The following ADAM12 variants were observed in gnomAD, a reference collection of about 807,000 sequenced individuals.
ADAM12 encodes the protein disintegrin and metalloproteinase domain-containing protein 12.
A neutral mutation model predicts 106.4 loss-of-function variants in ADAM12; 70 were observed. The ratio of observed to expected loss-of-function variants is 0.66; its 90% CI spans 0.54 to 0.80. ADAM12 has a LOEUF of 0.80. Ranked by LOEUF, ADAM12 falls within the 30% of genes least tolerant of loss-of-function variation. The pLI is 0.00. For missense variants in ADAM12, 1,010 were observed against 1,171.9 expected (o/e 0.86, Z 2.02); for synonymous variants, 420 against 433.5 (o/e 0.97, Z 0.39).
intron 1 of ADAM12, among the ~76,000 whole-genome samples, chr10:126,379,534 C>A (rs118176838): frequency 2.6e-5 from 4 of 151,674 alleles, no homozygotes; most frequent in Non-Finnish European, 5.9e-5. Context: ...CACACTGGGG[C>A]GCCTGTCAGG....
chr10:126,381,971 T>C (rs993400988), intron 1 of ADAM12, among the ~76,000 whole-genome samples: 2 of 84,742 alleles, frequency 2.4e-5, no homozygotes, highest in African/African-American at 8.0e-5. Context: ...CAAGACCCTG[T>C]CTCAAAAAAA....
intron 5 of ADAM12, among the ~76,000 whole-genome samples, chr10:126,126,561 CAAGT>C (rs1956209743): frequency 1.1e-5 from 1 of 87,346 alleles, no homozygotes; most frequent in Admixed American, 1.2e-4. Flanking sequence ...GAGGCTTTGA[CAAGT>C]AAGCCATGGA....
chr10:126,022,221 T>TAATC (rs1271759278), intron 21 of ADAM12, among the ~76,000 whole-genome samples: 1 of 152,200 alleles, frequency 6.6e-6, no homozygotes, highest in African/African-American at 2.4e-5. Context: ...GTTTAATTAT[T>TAATC]AATCACACTC....
At position 126,216,790 on chromosome 10, in the gene ADAM12, C is replaced by T. The variant is rs150758134; in HGVS notation, c.261-61485G>A. 4.5e-3 allele frequency among the ~76,000 whole-genome samples: 686 copies of T among 152,336 alleles called. 4 individuals carry two copies. Among genetic ancestry groups the T allele is most frequent in the Middle Eastern group, 0.02 (6 of 294 alleles). ...CTTAGCCAGGCCACCAGGGTGACCC[C>T]GGCAGAAGGCCAGAGGACATTGCCT... On this transcript the variant is annotated intron_variant, in intron 3 of 22. Transcript: ENST00000448723.
intron 3 of ADAM12, among the ~76,000 whole-genome samples, chr10:126,271,697 T>C (rs1192913289): frequency 6.6e-6 from 1 of 152,218 alleles, no homozygotes; most frequent in African/African-American, 2.4e-5. Flanking sequence ...CCCAGAGCAG[T>C]CAAGGCTGCA....
At chr10:126,038,852 A>G (rs189935129) in intron 19 of ADAM12, among the ~76,000 whole-genome samples, 2 of 152,200 alleles carry the variant, frequency 1.3e-5, no homozygotes, top group East Asian at 3.9e-4. Context: ...AAACCCCCCA[A>G]AAAAGAACCA....
At chr10:126,311,541 G>C (rs546948931) in intron 2 of ADAM12, among the ~76,000 whole-genome samples, 1 of 152,144 alleles carries the variant, frequency 6.6e-6, no homozygotes, top group East Asian at 1.9e-4. Flanking sequence ...TCCTGGATGG[G>C]GGCTGGTCAC....
At position 126,229,929 on chromosome 10, in the gene ADAM12, A is replaced by C. The variant is rs529576488; in HGVS notation, c.260+48986T>G. ...CCGCTGCCGCACTCTAGTATCCCAC[A>C]TGCAGGTGCTCAACGAGTTGTGCTT... is the stretch of plus-strand genomic sequence containing the variant. On this transcript the variant is annotated intron_variant, in intron 3 of 22. Coordinates refer to ENST00000448723, the MANE Select transcript of ADAM12 (RefSeq NM_001288973.2). Among the ~76,000 whole-genome samples the C allele has an allele frequency of 3.6e-5, 5 of 139,460 alleles. No individual in the cohort carries two copies. In the Admixed American group the frequency reaches 3.6e-4, roughly 10 times the overall value. 91.5% of individuals were successfully genotyped at this position (139,460 alleles called of 152,430 possible).
At chr10:126,332,121 G>A (rs1854541771) in intron 1 of ADAM12, among the ~76,000 whole-genome samples, 2 of 152,220 alleles carry the variant, frequency 1.3e-5, no homozygotes, top group African/African-American at 2.4e-5. Flanking sequence ...CCACGGGCCA[G>A]TTGTGTCCCA....
chr10:126,084,967 G>A (rs561049287), intron 11 of ADAM12, among the ~76,000 whole-genome samples: 1 of 152,366 alleles, frequency 6.6e-6, no homozygotes, highest in South Asian at 2.1e-4. Flanking sequence ...CTGTGACAAT[G>A]AAAGGAGATG....
chr10:126,019,879 CCT>C, intron 21 of ADAM12, 54 bp from the exon 22 acceptor site: 2 of 1,541,776 alleles, frequency 1.3e-6, no homozygotes, highest in Non-Finnish European at 1.8e-6. Context: ...AGCAGAGGCC[CCT>C]GAGAAGCAGG....
intron 3 of ADAM12, among the ~76,000 whole-genome samples, chr10:126,166,826 A>G (rs904694231): frequency 1.3e-4 from 20 of 152,126 alleles, no homozygotes; most frequent in Admixed American, 8.5e-4. Flanking sequence ...CTAGTATAAG[A>G]TCTATCAAGT....
intron 1 of ADAM12, among the ~76,000 whole-genome samples, chr10:126,334,840 T>G (rs1854642117): frequency 6.6e-6 from 1 of 152,158 alleles, no homozygotes; most frequent in Non-Finnish European, 1.5e-5. Context: ...ATGCAGCAGC[T>G]CTAAGACATA....
chr10:126,124,910 AAG>A (rs1396166008), intron 5 of ADAM12, among the ~76,000 whole-genome samples: 1 of 150,194 alleles, frequency 6.7e-6, no homozygotes, highest in East Asian at 2.0e-4. Flanking sequence ...AAAAAAAAAA[AAG>A]AAAAAGAAAA....
At chr10:126,046,230 AGCTT>A in intron 16 of ADAM12, 98 bp from the exon 17 acceptor site, 1 of 1,097,636 alleles carries the variant, frequency 9.1e-7, no homozygotes, top group East Asian at 2.4e-5. Context: ...AGCAAAAGAA[AGCTT>A]GGAGAAGACC....
chr10:126,353,521 C>T (rs960055194), intron 1 of ADAM12, among the ~76,000 whole-genome samples: 1 of 152,214 alleles, frequency 6.6e-6, no homozygotes, highest in Non-Finnish European at 1.5e-5. Flanking sequence ...CAAGCACAGA[C>T]AGGCACTCAA....
At chr10:126,082,373 T>TG (rs1554966472) in intron 11 of ADAM12, among the ~76,000 whole-genome samples, 18 of 144,372 alleles carry the variant, frequency 1.2e-4, no homozygotes, top group Non-Finnish European at 2.6e-4. Flanking sequence ...GTTTTTTTTT[T>TG]TTTTTTTTTT....
intron 3 of ADAM12, among the ~76,000 whole-genome samples, chr10:126,255,995 G>T (rs187398282): frequency 7.6e-4 from 115 of 152,264 alleles, no homozygotes; most frequent in Non-Finnish European, 1.3e-3. Context: ...CCAGCCAAAG[G>T]AATATCTTCA....
intron 3 of ADAM12, among the ~76,000 whole-genome samples, chr10:126,160,058 C>A (rs1433069359): frequency 1.3e-5 from 2 of 152,132 alleles, no homozygotes; most frequent in African/African-American, 4.8e-5. Context: ...TGTTGATTTA[C>A]AGATAAGATG....
Sources: gnomAD v4.1 joint callset for allele counts (sites outside exome capture counted in the v4.1 genomes callset) on GRCh38, gnomAD v4.1.1 for gene constraint, MANE v1.5 for transcripts, NCBI Gene and HGNC (gene_info 2026-07-23, HGNC 2026-07-21) for gene names.